SPCS3: variants seen among roughly 807,000 people sequenced by gnomAD.
The protein encoded by SPCS3 is SPase 22 kDa subunit.
SPCS3 carries 9 observed loss-of-function variants against 17.2 expected under a neutral mutation model. The observed-to-expected ratio is 0.52, with a 90% CI of 0.31 to 0.91. The LOEUF (loss-of-function observed/expected upper bound fraction) is 0.91. SPCS3 is among the 40% of genes least tolerant of loss of function. The pLI, the probability that SPCS3 is intolerant of heterozygous loss-of-function variation, is 0.04. For synonymous variants in SPCS3, 87 were observed against 89.6 expected (o/e 0.97, Z 0.16); for missense variants, 139 against 217.5 (o/e 0.64, Z 2.27).
chr4:176,327,070 A>C, intron 3 of SPCS3, 92 bp from the exon 4 acceptor site: 2 of 702,964 alleles, frequency 2.8e-6, no homozygotes, highest in Non-Finnish European at 4.6e-6. Flanking sequence ...ATTCATTAAC[A>C]TGTCAAACTA....
rs373983344 is a variant in SPCS3, at chr4:176,328,282, C to A, written c.495C>A (p.His165Gln). ...TACCTCTTGTGACAGGATCAGGACA[C>A]GTATCTGTCCCATTTCCAGATACAT... ...GILPLVTGSG[H>Q]VSVPFPDTYE... is the part of the protein sequence containing the mutation. Residue 165 changes from histidine (H) to glutamine (Q), a missense_variant, in exon 5 of 5, where the codon CAC (histidine) becomes CAA (glutamine). By Grantham distance (24) the His-to-Gln change is conservative. Transcript: ENST00000503362. 26 of 1,610,456 alleles carry A rather than the reference C, an allele frequency of 1.6e-5. No individual in the cohort carries two copies. The Admixed American group carries it at 4.4e-4, about 27-fold the overall frequency.
rs1176549461 is a variant in SPCS3 at position 176,320,583 on chromosome 4, G to C, written c.143+364G>C. 2.6e-5 allele frequency: 4 copies of C among 155,256 alleles called. No individual in the cohort carries two copies. In the South Asian group the frequency reaches 6.2e-4, roughly 24 times the overall value. 9.6% of individuals were successfully genotyped at this position (155,256 alleles called of 1,614,324 possible). On this transcript the variant is annotated intron_variant, in intron 1 of 4. Coordinates refer to ENST00000503362, the MANE Select transcript of SPCS3 (RefSeq NM_021928.4). ...CCGGCGCCGCCGCCCGCCTGGGCTG[G>C]CGCCTCCCGCGCGTCCGGTGCCGCT...
At chr4:176,325,274 G>A (rs1034344540) in intron 3 of SPCS3, among the ~76,000 whole-genome samples, 4 of 151,782 alleles carry the variant, frequency 2.6e-5, no homozygotes, top group African/African-American at 7.2e-5. Flanking sequence ...GGCTGGTCTC[G>A]AACTCCTAAC....
chr4:176,323,825 T>C (rs1387832079), intron 2 of SPCS3, among the ~76,000 whole-genome samples: 1 of 152,104 alleles, frequency 6.6e-6, no homozygotes, highest in Non-Finnish European at 1.5e-5. Context: ...GGAATTGTAT[T>C]TGCTTGAAAT....
rs1293788117 is a variant in SPCS3, at chr4:176,329,625, A to C, written c.*1295A>C. On this transcript the variant is annotated 3_prime_UTR_variant, in exon 5 of 5. Coordinates refer to ENST00000503362, the MANE Select transcript of SPCS3 (RefSeq NM_021928.4). ...ATATTAAAAGCATAAGGAAATCTAC[A>C]TGTATGTAAAAATAACTTAGAAATT... 1 of 152,148 alleles carries C rather than the reference A, an allele frequency of 6.6e-6. No homozygotes were observed. Among genetic ancestry groups the C allele is most frequent in the East Asian group, 1.9e-4 (1 of 5,196 alleles). The allele number at this position is 152,148 out of a possible 1,614,324, so 9.4% of individuals were successfully genotyped here.
At chr4:176,324,439 GTTGT>G (rs773600516) in intron 3 of SPCS3, among the ~76,000 whole-genome samples, 182 bp downstream of exon 3, 2 of 149,682 alleles carry the variant, frequency 1.3e-5, no homozygotes, top group African/African-American at 2.5e-5. Flanking sequence ...TGTTGTTGTT[GTTGT>G]TTGTTTGTTT....
chr4:176,327,368 T>A, intron 4 of SPCS3, 91 bp downstream of exon 4: 1 of 783,338 alleles, frequency 1.3e-6, no homozygotes, highest in Non-Finnish European at 1.9e-6. Context: ...TACTTGAGAG[T>A]AAAAGGAGAA....
Position 176,330,933 on chromosome 4 carries a change from A to G in SPCS3, c.*2603A>G, listed in dbSNP as rs1454406083. ...CAAACATCTGTATCAGTATTTTTTT[A>G]TTCCCCTGATTGATTACATTTGGTT... On this transcript the variant is annotated 3_prime_UTR_variant, in exon 5 of 5. Transcript: ENST00000503362. 2.0e-5 allele frequency: 3 copies of G among 152,140 alleles called. No individual in the cohort carries two copies. The highest frequency in any genetic ancestry group is 4.4e-5 in the Non-Finnish European group (3 of 68,006). The allele number at this position is 152,140 out of a possible 1,614,324, so 9.4% of individuals were successfully genotyped here. A position where few individuals can be genotyped will look rare whatever the true frequency, so the allele number is the denominator to read the frequency against.
chr4:176,321,528 C>T (rs1380535114), intron 1 of SPCS3: 1 of 152,316 alleles, frequency 6.6e-6, no homozygotes, highest in Non-Finnish European at 1.5e-5. Context: ...ATGGCTGAAA[C>T]CACGGATAGC....
rs893712440 is a variant in SPCS3, at chr4:176,332,138, G to A, written c.*3808G>A. ...AGACTGTATGCTCCTATACTAGACT[G>A]TAAGCTCTTTGAGGGCAGTCTGTCA... On this transcript the variant is annotated 3_prime_UTR_variant, in exon 5 of 5. Coordinates refer to ENST00000503362, the MANE Select transcript of SPCS3 (RefSeq NM_021928.4). 2.6e-5 allele frequency: 4 copies of A among 152,242 alleles called. No homozygotes were observed. The highest frequency in any genetic ancestry group is 9.7e-5 in the African/African-American group (4 of 41,444). 9.4% of individuals were successfully genotyped at this position (152,242 alleles called of 1,614,324 possible).
At position 176,324,910 on chromosome 4, in the gene SPCS3, A is replaced by T. The variant is rs116990530; in HGVS notation, c.294+653A>T. Among the ~76,000 whole-genome samples the T allele has an allele frequency of 3.9e-5, 6 of 152,260 alleles. No homozygotes were observed. In the East Asian group the frequency reaches 1.2e-3, roughly 29 times the overall value. The stretch of plus-strand genomic sequence containing the variant: ...AAAAACACAAAGACAACCTAGATAG[A>T]TCTGATAACTTGGCTGAGACACTGT... On this transcript the variant is annotated intron_variant, in intron 3 of 4. Coordinates refer to ENST00000503362, the MANE Select transcript of SPCS3 (RefSeq NM_021928.4).
chr4:176,328,319 AAG>A lies in SPCS3; in HGVS notation c.535_536del (p.Ser179LeufsTer15), dbSNP rs1324625380. ...VPFPDTYEIT[K>X]SY is the part of the protein sequence containing the mutation. ...ATTTCCAGATACATATGAAATAACG[AAG>A]AGTTATTAAATTATTCTGAATTTGA... On this transcript the variant is annotated frameshift_variant, in exon 5 of 5. Coordinates refer to ENST00000503362, the MANE Select transcript of SPCS3 (RefSeq NM_021928.4). LOFTEE classifies it high-confidence loss of function. 1.6e-5 allele frequency: 25 copies of A among 1,593,376 alleles called. No individual in the cohort carries two copies. Among genetic ancestry groups the A allele is most frequent in the Non-Finnish European group, 2.1e-5 (24 of 1,170,286 alleles).
In SPCS3 at chr4:176,331,434, A is replaced by G. The variant is rs1731684986; in HGVS notation, c.*3104A>G. ...GCAGAGAGAAGCCTGTATATGTTAC[A>G]TGTGTGACTTTCAGTAGTTTAAAGA... On this transcript the variant is annotated 3_prime_UTR_variant, in exon 5 of 5. Transcript: ENST00000503362. 1 of 152,152 alleles carries G rather than the reference A, an allele frequency of 6.6e-6. No homozygotes were observed. The allele number at this position is 152,152 out of a possible 1,614,324, so 9.4% of individuals were successfully genotyped here. A position where few individuals can be genotyped will look rare whatever the true frequency, so the allele number is the denominator to read the frequency against.
Position 176,329,261 on chromosome 4 carries a change from A to T in SPCS3, c.*931A>T, listed in dbSNP as rs1476709176. The T allele has an allele frequency of 2.0e-5, 3 of 152,142 alleles. No homozygotes were observed. Among genetic ancestry groups the T allele is most frequent in the Non-Finnish European group, 2.9e-5 (2 of 67,986 alleles). The allele number at this position is 152,142 out of a possible 1,614,324, so 9.4% of individuals were successfully genotyped here. A position where few individuals can be genotyped will look rare whatever the true frequency, so the allele number is the denominator to read the frequency against. ...TATACTTTAGTGTATGTCATCCTCA[A>T]TAATCTAATGAGGTAAGTAGTATAA... On this transcript the variant is annotated 3_prime_UTR_variant, in exon 5 of 5. Transcript: ENST00000503362.
rs377141735 is a variant in SPCS3 at position 176,328,228 on chromosome 4, T to G, written c.441T>G (p.Ser147=). The G allele has an allele frequency of 1.9e-6, 3 of 1,613,350 alleles. No individual in the cohort carries two copies. Among genetic ancestry groups the G allele is most frequent in the South Asian group, 1.1e-5 (1 of 90,956 alleles). ...ACAGGAATGTCACTTTGACCCTGTC[T>G]TGGAACGTCGTACCAAATGCTGGAA... The part of the protein sequence containing the change: ...KGNRNVTLTL[S]WNVVPNAGIL... The change falls in exon 5 of 5, where the codon TCT becomes TCG. Residue 147 remains serine, a synonymous_variant. Coordinates refer to ENST00000503362, the MANE Select transcript of SPCS3 (RefSeq NM_021928.4).
rs1406638971 is a variant in SPCS3, at chr4:176,329,468, A to G, written c.*1138A>G. The G allele has an allele frequency of 1.3e-5, 2 of 152,076 alleles. No homozygotes were observed. Among genetic ancestry groups the G allele is most frequent in the Non-Finnish European group, 2.9e-5 (2 of 67,972 alleles). 9.4% of individuals were successfully genotyped at this position (152,076 alleles called of 1,614,324 possible). ...AAATTTTACTTAAAACCTTCCTGATATTTTTGTTACCCTGGACACCCTTTC... is the reference window on the plus strand; with the variant it reads ...AAATTTTACTTAAAACCTTCCTGATGTTTTTGTTACCCTGGACACCCTTTC... On this transcript the variant is annotated 3_prime_UTR_variant, in exon 5 of 5. Transcript: ENST00000503362.
intron 2 of SPCS3, 88 bp downstream of exon 2, chr4:176,322,331 AT>A: frequency 1.2e-6 from 1 of 860,940 alleles, no homozygotes; most frequent in Non-Finnish European, 1.8e-6. Context: ...CAGTGTGACT[AT>A]CTCATTGAAT....
chr4:176,320,709 C>G (rs750474437), intron 1 of SPCS3: 1 of 152,634 alleles, frequency 6.6e-6, no homozygotes, highest in Non-Finnish European at 1.5e-5. Flanking sequence ...ACGGGGTTGT[C>G]TTTGTGTCAT....
chr4:176,328,106 A>G (rs899372364), intron 4 of SPCS3, 92 bp from the exon 5 acceptor site: 1 of 1,172,640 alleles, frequency 8.5e-7, no homozygotes, highest in African/African-American at 1.6e-5. Context: ...GATGGTTATA[A>G]ATAAAGTATT....
Sources: gnomAD v4.1 joint callset for allele counts (sites outside exome capture counted in the v4.1 genomes callset) on GRCh38, gnomAD v4.1.1 for gene constraint, MANE v1.5 for transcripts, NCBI Gene and HGNC (gene_info 2026-07-23, HGNC 2026-07-21) for gene names.